The following ATM variants were observed in gnomAD, a reference collection of about 807,000 sequenced individuals.
ATM encodes ATM serine/threonine kinase.
Under a neutral mutation model 387.0 loss-of-function variants are expected in ATM, and 308 were observed. That is an observed-to-expected ratio of 0.80 (90% confidence interval 0.73 to 0.87). The LOEUF (loss-of-function observed/expected upper bound fraction) is 0.87, where lower values mean the gene tolerates loss of function less well. ATM is among the 40% of genes least tolerant of loss of function. The pLI is 0.00. For missense variants in ATM, 3,312 were observed against 3,560.9 expected, an observed-to-expected ratio of 0.93 and a Z score of 1.78; for synonymous variants, 1,156 against 1,187.3, an observed-to-expected ratio of 0.97 and a Z score of 0.54.
At chr11:108,303,132 C>A in intron 36 of ATM, 103 bp downstream of exon 36, 2 of 1,169,224 alleles carry the variant, frequency 1.7e-6, no homozygotes, top group Non-Finnish European at 2.5e-6. Context: ...CACCCCCACT[C>A]AAACTGTTGT....
At position 108,335,070 on chromosome 11, in the gene ATM, T is replaced by C. The variant is rs786201543; in HGVS notation, c.8112T>C (p.Cys2704=). ...TAAATTTACCAAAAATAATAGATTGTGTAGGTTCCGATGGCAAGGAGAGGA... is the reference window on the plus strand; with the variant it reads ...TAAATTTACCAAAAATAATAGATTGCGTAGGTTCCGATGGCAAGGAGAGGA... ...GGVNLPKIID[C]VGSDGKERRQ... Residue 2704 remains cysteine (C), a synonymous_variant, in exon 55 of 63, where the codon TGT becomes TGC. Coordinates refer to ENST00000675843, the MANE Select transcript of ATM (RefSeq NM_000051.4). The C allele has an allele frequency of 6.2e-7, 1 of 1,613,980 alleles. No individual in the cohort carries two copies. Among genetic ancestry groups the C allele is most frequent in the Non-Finnish European group, 8.5e-7 (1 of 1,179,992 alleles).
At chr11:108,227,277 CT>C in intron 1 of ATM, 1 of 209,786 alleles carries the variant, frequency 4.8e-6, no homozygotes, top group Non-Finnish European at 9.7e-6. Flanking sequence ...TCCCAAAGTG[CT>C]GGGATTACAG....
chr11:108,279,986 TGTG>T (rs1565440118), intron 23 of ATM, among the ~76,000 whole-genome samples: 2 of 152,184 alleles, frequency 1.3e-5, no homozygotes, highest in African/African-American at 2.4e-5. Flanking sequence ...ATCAAATCAT[TGTG>T]GTGTTTACAG....
Position 108,277,661 on chromosome 11 carries a change from G to A in ATM, c.3285-1830G>A, listed in dbSNP as rs370142778. Among the ~76,000 whole-genome samples the A allele has an allele frequency of 2.6e-5, 4 of 152,196 alleles. No homozygotes were observed. The South Asian group carries it at 8.3e-4, about 32-fold the overall frequency. On this transcript the variant is annotated intron_variant, in intron 22 of 62. Transcript: ENST00000675843. ...AGTTCCCCGACCCCTTGTGCTTCCC[G>A]GGTGAGGCTACACCCCACCCTGCTT...
chr11:108,224,024 T>G (rs764713688), intron 1 of ATM: 1 of 152,232 alleles, frequency 6.6e-6, no homozygotes, highest in Non-Finnish European at 1.5e-5. Flanking sequence ...GAAGAAGAGA[T>G]ATCAGGAGAC....
At chr11:108,345,072 G>T (rs2088146246) in intron 57 of ATM, among the ~76,000 whole-genome samples, 1 of 152,158 alleles carries the variant, frequency 6.6e-6, no homozygotes, top group African/African-American at 2.4e-5. Flanking sequence ...TGGGGCAGCT[G>T]GGTAGATGGT....
At chr11:108,290,156 A>G (rs1413024342) in intron 29 of ATM, 4 of 188,410 alleles carry the variant, frequency 2.1e-5, no homozygotes, top group South Asian at 1.3e-4. Flanking sequence ...ACTATGCCCA[A>G]CCTATCCTGT....
intron 5 of ATM, 141 bp downstream of exon 5, chr11:108,235,975 G>A (rs1057454813): frequency 4.6e-6 from 4 of 861,824 alleles, no homozygotes; most frequent in African/African-American, 3.4e-5. Flanking sequence ...TATGGTTATC[G>A]AACTGACCCT....
rs1060501665 is a variant in ATM, at chr11:108,287,585, TTTGTGCCC to T, written c.3994-11_3994-4del. 4.0e-6 allele frequency: 6 copies of T among 1,510,514 alleles called. No homozygotes were observed. The African/African-American group carries it at 8.2e-5, about 21-fold the overall frequency. 93.6% of individuals were successfully genotyped at this position (1,510,514 alleles called of 1,614,324 possible). On this transcript the variant is annotated splice_region_variant and splice_polypyrimidine_tract_variant and intron_variant, in intron 26 of 62. Coordinates refer to ENST00000675843, the MANE Select transcript of ATM (RefSeq NM_000051.4). Reference sequence around the variant, plus strand: ...TATAAAATATTAAATATATTTTAATTTTGTGCCCTTGCAGATTGATCACTTATTCATTA... The same window carrying T: ...TATAAAATATTAAATATATTTTAATTTTGCAGATTGATCACTTATTCATTA...
At chr11:108,261,794 C>T (rs990289759) in intron 16 of ATM, among the ~76,000 whole-genome samples, 67 of 152,048 alleles carry the variant, frequency 4.4e-4, no homozygotes, top group Admixed American at 1.2e-3. Flanking sequence ...TTAAAGGAGC[C>T]GATGGAGCTG....
intron 58 of ATM, among the ~76,000 whole-genome samples, chr11:108,346,283 CAT>C (rs2088380259): frequency 6.6e-6 from 1 of 151,948 alleles, no homozygotes; most frequent in African/African-American, 2.4e-5. Flanking sequence ...TGTTCTTTTG[CAT>C]ATAACCTCTA....
intron 52 of ATM, 65 bp from the exon 53 acceptor site, chr11:108,332,695 TTC>T (rs2086391588): frequency 6.5e-7 from 1 of 1,528,072 alleles, no homozygotes; most frequent in East Asian, 2.3e-5. Flanking sequence ...CTCTTTGTTT[TTC>T]TAACTCTGAG....
chr11:108,362,594 A>G (rs1203518238), intron 61 of ATM, among the ~76,000 whole-genome samples: 1 of 150,174 alleles, frequency 6.7e-6, no homozygotes, highest in Admixed American at 6.7e-5. Context: ...TGTAGCACAT[A>G]TACACCATGG....
In ATM at chr11:108,332,769, CA is replaced by C. The variant is rs2086405270; in HGVS notation, c.7797del (p.Glu2600ArgfsTer6). On this transcript the variant is annotated frameshift_variant, in exon 53 of 63. Coordinates refer to ENST00000675843, the MANE Select transcript of ATM (RefSeq NM_000051.4). LOFTEE classifies it high-confidence loss of function. ...TTTGTTTTTTATTAATAGGATCGAA[CA>C]GAGGCTGCAAATAGAATAATATGTA... The part of the protein sequence containing the change: ...KQSSQLDEDR[T>X]EAANRIICTI... 1 of 1,612,564 alleles carries C rather than the reference CA, an allele frequency of 6.2e-7. No individual in the cohort carries two copies. The highest frequency in any genetic ancestry group is 1.3e-5 in the African/African-American group (1 of 74,830).
chr11:108,260,797 C>A (rs2080822668), intron 16 of ATM, among the ~76,000 whole-genome samples: 1 of 152,168 alleles, frequency 6.6e-6, no homozygotes, highest in East Asian at 1.9e-4. Flanking sequence ...CGTGCGCGAG[C>A]CGAAGCAGGG....
rs878853505 is a variant in ATM, at chr11:108,281,087, C to T, written c.3495C>T (p.Ser1165=). Residue 1165 remains serine, a synonymous_variant, in exon 24 of 63, where the codon AGC becomes AGT. Coordinates refer to ENST00000675843, the MANE Select transcript of ATM (RefSeq NM_000051.4). ...TGATAGCTGTGGTTTTATCCTGTAG[C>T]CCTATCTGCGAAAAACAGGCTTTGT... ...LTLIAVVLSC[S]PICEKQALFA... is the part of the protein sequence containing the mutation. 6.2e-7 allele frequency: 1 copy of T among 1,613,722 alleles called. No individual in the cohort carries two copies. Among genetic ancestry groups the T allele is most frequent in the Non-Finnish European group, 8.5e-7 (1 of 1,179,876 alleles).
At chr11:108,280,906 C>CA in intron 23 of ATM, 89 bp from the exon 24 acceptor site, 2 of 1,246,826 alleles carry the variant, frequency 1.6e-6, no homozygotes, top group Non-Finnish European at 2.2e-6. Context: ...TATAGCTTGT[C>CA]AAAAAATCTG....
Position 108,332,701 on chromosome 11 carries a change from C to T in ATM, c.7789-61C>T, listed in dbSNP as rs1414257483. ...TCTGTTTTTCTCTTTGTTTTTCTAA[C>T]TCTGAGAAGTTTAAATGTTGGGTAG... On this transcript the variant is annotated intron_variant, in intron 52 of 62. Transcript: ENST00000675843. The T allele has an allele frequency of 6.4e-6, 10 of 1,551,200 alleles. No individual in the cohort carries two copies. In the East Asian group the frequency reaches 2.3e-4, roughly 35 times the overall value.
chr11:108,284,363 C>A lies in ATM; in HGVS notation c.3883C>A (p.Leu1295Ile), dbSNP rs1388457632. 2 of 1,613,988 alleles carry A rather than the reference C, an allele frequency of 1.2e-6. No individual in the cohort carries two copies. Among genetic ancestry groups the A allele is most frequent in the Admixed American group, 1.7e-5 (1 of 60,020 alleles). Reference sequence around the variant, plus strand: ...CTTTCCAAAGATTCTTGTAAATATTCTTCCTTATTTTGCCTATGAGGGTAC... The same window carrying A: ...CTTTCCAAAGATTCTTGTAAATATTATTCCTTATTTTGCCTATGAGGGTAC... ...DCFPKILVNI[L>I]PYFAYEGTRD... Residue 1295 changes from leucine (L) to isoleucine (I), a missense_variant, in exon 26 of 63, where the codon CTT becomes ATT. Transcript: ENST00000675843.
Sources: allele counts gnomAD v4.1 joint callset (sites outside exome capture counted in the v4.1 genomes callset), GRCh38; gene constraint gnomAD v4.1.1; transcripts MANE v1.5; gene names NCBI Gene and HGNC (gene_info 2026-07-23, HGNC 2026-07-21).